The following FSTL5 variants were observed in gnomAD, a reference collection of about 807,000 sequenced individuals.
FSTL5 encodes the protein follistatin like 5.
A neutral mutation model predicts 89.1 loss-of-function variants in FSTL5; 62 were observed. The ratio of observed to expected loss-of-function variants is 0.70; its 90% CI spans 0.57 to 0.86. FSTL5 has a LOEUF of 0.86. Ranked by LOEUF, FSTL5 falls within the 40% of genes least tolerant of loss-of-function variation. The pLI is 0.00. For synonymous variants in FSTL5, 383 were observed against 346.2 expected, an observed-to-expected ratio of 1.11 and a Z score of -1.18; for missense variants, 1,057 against 1,001.6, an observed-to-expected ratio of 1.06 and a Z score of -0.75.
Position 162,111,363 on chromosome 4 carries a change from C to T in FSTL5, c.34G>A (p.Gly12Arg), listed in dbSNP as rs764305930. Residue 12 changes from glycine to arginine, a missense_variant, in exon 2 of 16, where the codon GGA becomes AGA. Coordinates refer to ENST00000306100, the MANE Select transcript of FSTL5 (RefSeq NM_020116.5). ...FKCWSVVLVL[G>R]FIFLESEGRP... The stretch of plus-strand genomic sequence containing the variant: ...CCTTCCGACTCCAGAAAAATGAATC[C>T]GAGAACCAAGACAACTGACCAGCAC... 13 of 1,612,240 alleles carry T rather than the reference C, an allele frequency of 8.1e-6. No individual in the cohort carries two copies. Among genetic ancestry groups the T allele is most frequent in the Middle Eastern group, 1.7e-4 (1 of 6,050 alleles).
At chr4:161,893,563 T>C (rs1733056869) in intron 4 of FSTL5, among the ~76,000 whole-genome samples, 1 of 152,038 alleles carries the variant, frequency 6.6e-6, no homozygotes, top group East Asian at 1.9e-4. Context: ...AACAGAACAA[T>C]AGAAAAAAGT....
At chr4:161,465,187 T>A (rs1733709805) in intron 13 of FSTL5, among the ~76,000 whole-genome samples, 1 of 152,058 alleles carries the variant, frequency 6.6e-6, no homozygotes, top group Non-Finnish European at 1.5e-5. Flanking sequence ...TAAAATAAGA[T>A]TTTTTTAAGA....
chr4:161,974,566 T>A (rs1208091384), intron 3 of FSTL5, among the ~76,000 whole-genome samples: 68 of 125,756 alleles, frequency 5.4e-4, no homozygotes, highest in African/African-American at 2.0e-3. Context: ...AAGCTGAAAC[T>A]GGATCCCTTC....
chr4:161,389,710 A>G (rs2110871391), intron 15 of FSTL5, among the ~76,000 whole-genome samples: 1 of 152,260 alleles, frequency 6.6e-6, no homozygotes, highest in East Asian at 1.9e-4. Context: ...TAAAAGTACT[A>G]CCTTGCTCTG....
At chr4:161,407,201 G>A (rs1731415728) in intron 15 of FSTL5, among the ~76,000 whole-genome samples, 1 of 152,096 alleles carries the variant, frequency 6.6e-6, no homozygotes, top group African/African-American at 2.4e-5. Flanking sequence ...TGGATTTCAG[G>A]CTTAGCAACA....
intron 8 of FSTL5, among the ~76,000 whole-genome samples, chr4:161,556,021 G>C (rs1732375528): frequency 1.3e-5 from 2 of 151,588 alleles, no homozygotes; most frequent in Non-Finnish European, 3.0e-5. Flanking sequence ...GGAAGTGGAA[G>C]CATGACGTAT....
At chr4:161,677,641 A>T (rs1384920438) in intron 6 of FSTL5, among the ~76,000 whole-genome samples, 1 of 151,996 alleles carries the variant, frequency 6.6e-6, no homozygotes, top group Non-Finnish European at 1.5e-5. Context: ...GTGAGAACCG[A>T]AAGAGTGTTC....
chr4:161,451,859 G>A (rs1733177427), intron 15 of FSTL5, among the ~76,000 whole-genome samples: 1 of 152,132 alleles, frequency 6.6e-6, no homozygotes, highest in Non-Finnish European at 1.5e-5. Context: ...CCATTCCTAT[G>A]AGAAACATAA....
At chr4:161,390,881 C>T (rs1730800288) in intron 15 of FSTL5, among the ~76,000 whole-genome samples, 1 of 152,110 alleles carries the variant, frequency 6.6e-6, no homozygotes, top group African/African-American at 2.4e-5. Flanking sequence ...AATGTTTACC[C>T]ACTGAGGCTC....
chr4:161,562,604 G>GT (rs1160848997), intron 8 of FSTL5, among the ~76,000 whole-genome samples: 2 of 130,024 alleles, frequency 1.5e-5, no homozygotes, highest in Non-Finnish European at 1.7e-5. Context: ...AATATAAATG[G>GT]TTTTTTTTCC....
chr4:161,457,538 G>T lies in FSTL5; in HGVS notation c.1716+1674C>A, dbSNP rs1189894892. On this transcript the variant is annotated intron_variant, in intron 14 of 15. Transcript: ENST00000306100. ...AACTATTTTGTGGTGGAATTGCAACGCTGGGAAAGTTGTTAATCTATCCAA... is the reference window on the plus strand; with the variant it reads ...AACTATTTTGTGGTGGAATTGCAACTCTGGGAAAGTTGTTAATCTATCCAA... Among the ~76,000 whole-genome samples the T allele has an allele frequency of 2.4e-4, 37 of 152,024 alleles. 1 individual carries two copies. The highest frequency in any genetic ancestry group is 2.4e-3 in the Admixed American group (37 of 15,250).
At chr4:161,795,774 A>G (rs1729614551) in intron 4 of FSTL5, among the ~76,000 whole-genome samples, 1 of 151,932 alleles carries the variant, frequency 6.6e-6, no homozygotes, top group Non-Finnish European at 1.5e-5. Context: ...TTTATTTCTA[A>G]GCTCTCTATT....
chr4:161,749,306 TA>T (rs1322326362), intron 6 of FSTL5, among the ~76,000 whole-genome samples: 1 of 152,046 alleles, frequency 6.6e-6, no homozygotes, highest in Admixed American at 6.6e-5. Flanking sequence ...TGACTGGATT[TA>T]AAAAAATGTG....
chr4:161,544,598 G>A (rs900824511), intron 8 of FSTL5, among the ~76,000 whole-genome samples: 9 of 151,886 alleles, frequency 5.9e-5, no homozygotes, highest in Non-Finnish European at 1.2e-4. Flanking sequence ...GAGCTACTGT[G>A]TGGTACATTT....
At chr4:161,416,702 G>A (rs10023323) in intron 15 of FSTL5, among the ~76,000 whole-genome samples, 23,444 of 145,080 alleles carry the variant, frequency 0.16, 1,930 homozygotes, top group East Asian at 0.32. Flanking sequence ...AAAATTAGCC[G>A]GGTGTGGTGG....
chr4:162,063,614 T>C (rs1738793630), intron 2 of FSTL5, among the ~76,000 whole-genome samples: 1 of 151,952 alleles, frequency 6.6e-6, no homozygotes, highest in Non-Finnish European at 1.5e-5. Context: ...ATCTTAAATT[T>C]GACCTGTACA....
chr4:161,627,096 T>A (rs1405687209), intron 7 of FSTL5, among the ~76,000 whole-genome samples: 1 of 152,332 alleles, frequency 6.6e-6, no homozygotes, highest in African/African-American at 2.4e-5. Context: ...ATAATTGACT[T>A]CAATTGTGAA....
intron 4 of FSTL5, among the ~76,000 whole-genome samples, chr4:161,829,055 A>G (rs1730756193): frequency 6.6e-6 from 1 of 150,832 alleles, no homozygotes; most frequent in Non-Finnish European, 1.5e-5. Context: ...ATATGTGTCA[A>G]TGGTGGCGAA....
At chr4:161,709,112 A>G (rs1250695690) in intron 6 of FSTL5, among the ~76,000 whole-genome samples, 7 of 152,180 alleles carry the variant, frequency 4.6e-5, no homozygotes. Flanking sequence ...CTAATATAGT[A>G]GACTTATGTT....
Sources: allele counts gnomAD v4.1 joint callset (sites outside exome capture counted in the v4.1 genomes callset), GRCh38; gene constraint gnomAD v4.1.1; transcripts MANE v1.5; gene names NCBI Gene and HGNC (gene_info 2026-07-23, HGNC 2026-07-21).